NFAM1: variants seen among roughly 807,000 people sequenced by gnomAD.
NFAM1 encodes NFAT activation molecule 1.
NFAM1 carries 17 observed loss-of-function variants against 29.0 expected under a neutral mutation model. That is an observed-to-expected ratio of 0.59 (90% CI 0.40 to 0.88). The LOEUF (loss-of-function observed/expected upper bound fraction) is 0.88, where lower values mean the gene tolerates loss of function less well. NFAM1 is among the 40% of genes least tolerant of loss of function. The pLI is 0.00. For missense variants in NFAM1, 324 were observed against 344.6 expected (o/e 0.94, Z 0.47); for synonymous variants, 175 against 147.2 (o/e 1.19, Z -1.36).
chr22:42,392,880 A>T (rs1929391254), intron 4 of NFAM1, among the ~76,000 whole-genome samples: 1 of 152,060 alleles, frequency 6.6e-6, no homozygotes, highest in African/African-American at 2.4e-5. Flanking sequence ...GCTCACTGCA[A>T]CTTCTGCCTC....
At chr22:42,434,346 C>T (rs1930890397), upstream of NFAM1, among the ~76,000 whole-genome samples, 1 of 152,076 alleles carries the variant, frequency 6.6e-6, no homozygotes, top group Non-Finnish European at 1.5e-5. Context: ...CAAGAGGCCT[C>T]AAGGGAAGGG....
chr22:42,422,148 A>T (rs1035007069), intron 1 of NFAM1, among the ~76,000 whole-genome samples: 1 of 152,190 alleles, frequency 6.6e-6, no homozygotes, highest in African/African-American at 2.4e-5. Context: ...CCATTTCCAC[A>T]GCCCATCCAT....
chr22:42,387,613 C>T (rs2147088968), intron 4 of NFAM1, among the ~76,000 whole-genome samples: 2 of 151,664 alleles, frequency 1.3e-5, no homozygotes, highest in Admixed American at 1.3e-4. Flanking sequence ...ACCCAGGCAC[C>T]CACTGGGGTC....
chr22:42,392,244 G>A (rs1929369373), intron 4 of NFAM1, among the ~76,000 whole-genome samples: 1 of 152,194 alleles, frequency 6.6e-6, no homozygotes, highest in African/African-American at 2.4e-5. Flanking sequence ...AGGTGTGATG[G>A]TGAGGCAGGG....
intron 3 of NFAM1, among the ~76,000 whole-genome samples, chr22:42,407,458 T>C (rs1356086156): frequency 2.0e-5 from 3 of 151,976 alleles, no homozygotes; most frequent in Non-Finnish European, 4.4e-5. Context: ...AACCTCCACC[T>C]CCCGGGTTCA....
intron 1 of NFAM1, among the ~76,000 whole-genome samples, chr22:42,415,695 C>G (rs978011936): frequency 2.0e-5 from 3 of 152,208 alleles, no homozygotes; most frequent in African/African-American, 7.2e-5. Flanking sequence ...CTCCCAGAGG[C>G]CCCTTCAGGG....
At position 42,384,973 on chromosome 22, in the gene NFAM1, C is replaced by A. The variant is rs536833759; in HGVS notation, c.*188G>T. On this transcript the variant is annotated 3_prime_UTR_variant, in exon 6 of 6. Transcript: ENST00000329021. ...GGGCAAAGGCCCCAAGATGGGAAAG[C>A]CTTGGTGGTTGGGGCATAGAATGGG... The A allele has an allele frequency of 4.5e-6, 3 of 673,208 alleles. No homozygotes were observed. Among genetic ancestry groups the A allele is most frequent in the East Asian group, 2.5e-5 (1 of 40,220 alleles). 41.7% of individuals were successfully genotyped at this position (673,208 alleles called of 1,614,324 possible).
At position 42,389,336 on chromosome 22, in the gene NFAM1, G is replaced by A. The variant is rs372589664; in HGVS notation, c.664-2258C>T. On this transcript the variant is annotated intron_variant, in intron 4 of 5. Transcript: ENST00000329021. Reference sequence around the variant, plus strand: ...CGGTGGTGCAGTGGGCAGGGCAGGAGCAGCTGCGGGGCTGAGAACAGGGGA... The same window carrying A: ...CGGTGGTGCAGTGGGCAGGGCAGGAACAGCTGCGGGGCTGAGAACAGGGGA... 2.7e-3 allele frequency among the ~76,000 whole-genome samples: 418 copies of A among 152,294 alleles called. 2 individuals carry two copies. Among genetic ancestry groups the A allele is most frequent in the African/African-American group, 9.7e-3 (405 of 41,568 alleles).
chr22:42,393,137 A>C (rs931790317), intron 4 of NFAM1, among the ~76,000 whole-genome samples: 4 of 152,090 alleles, frequency 2.6e-5, no homozygotes, highest in African/African-American at 9.7e-5. Context: ...TGCCATGAGC[A>C]CTCTTCCACA....
chr22:42,409,843 C>A lies in NFAM1; in HGVS notation c.452-296G>T, dbSNP rs1208305503. Among the ~76,000 whole-genome samples, 3 of 152,202 alleles carry A rather than the reference C, an allele frequency of 2.0e-5. No homozygotes were observed. Among genetic ancestry groups the A allele is most frequent in the Non-Finnish European group, 4.4e-5 (3 of 68,026 alleles). Reference sequence around the variant, plus strand: ...TTGTAGGGCCCTGAGCGAGATGTCTCCCCTCTCGGGGCCTCTTCTTTTCCC... The same window carrying A: ...TTGTAGGGCCCTGAGCGAGATGTCTACCCTCTCGGGGCCTCTTCTTTTCCC... On this transcript the variant is annotated intron_variant, in intron 2 of 5. Transcript: ENST00000329021. The surrounding 1 kb of genome is among the most constrained non-coding windows in gnomAD (Gnocchi z 4.9).
At chr22:42,414,922 G>T (rs540380665) in intron 1 of NFAM1, among the ~76,000 whole-genome samples, 1 of 152,220 alleles carries the variant, frequency 6.6e-6, no homozygotes, top group African/African-American at 2.4e-5. Flanking sequence ...CAATTAAGCC[G>T]ATCTTTACAA....
rs1029684656 is a variant in NFAM1, at chr22:42,388,859, G to C, written c.664-1781C>G. Among the ~76,000 whole-genome samples the C allele has an allele frequency of 2.6e-5, 4 of 152,144 alleles. No homozygotes were observed. Among genetic ancestry groups the C allele is most frequent in the African/African-American group, 9.7e-5 (4 of 41,430 alleles). ...TCCAACCTGCTTCCTTGTAGGAAAG[G>C]GACCAGGGCTGCCCCAGGAAGAAGC... On this transcript the variant is annotated intron_variant, in intron 4 of 5. Coordinates refer to ENST00000329021, the MANE Select transcript of NFAM1 (RefSeq NM_145912.8). This position sits in a 1 kb window ranked among gnomAD's most constrained non-coding sequence, Gnocchi z 4.1.
In NFAM1 at chr22:42,418,735, C is replaced by T. The variant is rs116783108; in HGVS notation, c.122-6999G>A. On this transcript the variant is annotated intron_variant, in intron 1 of 5. Coordinates refer to ENST00000329021, the MANE Select transcript of NFAM1 (RefSeq NM_145912.8). ...AAATGCCAGCCCTATACCCTTCTGC[C>T]GGGTTAAATGACATGCCCTCAGTGC... is the stretch of plus-strand genomic sequence containing the variant. Among the ~76,000 whole-genome samples the T allele has an allele frequency of 8.0e-3, 1,223 of 151,976 alleles. 29 individuals carry two copies. Among genetic ancestry groups the T allele is most frequent in the African/African-American group, 0.028 (1,161 of 41,464 alleles).
intron 1 of NFAM1, among the ~76,000 whole-genome samples, chr22:42,428,723 A>C (rs1930705205): frequency 6.6e-6 from 1 of 152,104 alleles, no homozygotes; most frequent in Non-Finnish European, 1.5e-5. Flanking sequence ...TTTTCAATGG[A>C]TATGTGAGAA....
intron 3 of NFAM1, among the ~76,000 whole-genome samples, chr22:42,402,798 C>T (rs928231414): frequency 3.3e-5 from 5 of 151,330 alleles, no homozygotes; most frequent in African/African-American, 4.8e-5. Flanking sequence ...GTACTCAAAG[C>T]GCCTCAGACC....
intron 3 of NFAM1, 114 bp from the exon 4 acceptor site, chr22:42,398,070 A>C (rs1358674642): frequency 1.7e-6 from 1 of 599,948 alleles, no homozygotes; most frequent in Admixed American, 3.2e-5. Context: ...GAGATTCATC[A>C]CTCAGTCCCT....
upstream of NFAM1, among the ~76,000 whole-genome samples, chr22:42,436,415 C>T (rs1930941528): frequency 6.6e-6 from 1 of 152,122 alleles, no homozygotes; most frequent in East Asian, 1.9e-4. Context: ...GCCGATCCAC[C>T]CTCTCTCTCA....
intron 4 of NFAM1, among the ~76,000 whole-genome samples, chr22:42,396,480 CTT>C (rs990151203): frequency 1.4e-4 from 14 of 97,538 alleles, no homozygotes; most frequent in Non-Finnish European, 2.3e-4. Context: ...TTATTTTCTT[CTT>C]TTATATATAT....
intron 5 of NFAM1, among the ~76,000 whole-genome samples, chr22:42,386,345 G>A (rs1169162394): frequency 2.0e-5 from 3 of 151,490 alleles, no homozygotes; most frequent in African/African-American, 7.3e-5. Flanking sequence ...CTGCACTCTG[G>A]CCTGGGTGAT....
Sources: gnomAD v4.1 joint callset for allele counts (sites outside exome capture counted in the v4.1 genomes callset) on GRCh38, gnomAD v4.1.1 for gene constraint, Gnocchi (gnomAD v3.1) non-coding constraint, MANE v1.5 for transcripts, NCBI Gene and HGNC (gene_info 2026-07-23, HGNC 2026-07-21) for gene names.